EVC: variants seen among roughly 807,000 people sequenced by gnomAD.
EVC encodes the protein EvC ciliary complex subunit 1.
Under a neutral mutation model 118.9 loss-of-function variants are expected in EVC, and 116 were observed. The observed-to-expected ratio is 0.98, with a 90% CI of 0.84 to 1.14. The LOEUF is 1.14. Among genes scored for constraint, EVC ranks in the 50% most tolerant of loss-of-function variants. The pLI is 0.00. For missense variants in EVC, 1,401 were observed against 1,246.4 expected, an observed-to-expected ratio of 1.12 and a Z score of -1.87; for synonymous variants, 619 against 534.7, an observed-to-expected ratio of 1.16 and a Z score of -2.18.
intron 11 of EVC, among the ~76,000 whole-genome samples, chr4:5,774,626 C>G (rs773185503): frequency 2.0e-5 from 3 of 151,970 alleles, no homozygotes; most frequent in Non-Finnish European, 4.4e-5. Context: ...GGTTTGAATG[C>G]GGCTGCAGAG....
chr4:5,787,877 TCTC>T (rs753251122), intron 12 of EVC, among the ~76,000 whole-genome samples: 3 of 152,206 alleles, frequency 2.0e-5, no homozygotes, highest in South Asian at 4.2e-4. Flanking sequence ...CCAAGTCTGC[TCTC>T]CTCTGTGCCG....
chr4:5,809,432 A>C, intron 18 of EVC, 86 bp from the exon 19 acceptor site: 1 of 1,198,404 alleles, frequency 8.3e-7, no homozygotes, highest in Non-Finnish European at 1.2e-6. Flanking sequence ...GGCCAGCCTC[A>C]AGTGTCAGAA....
chr4:5,737,338 A>T lies in EVC; in HGVS notation c.702+3903A>T, dbSNP rs1350710510. ...CAAGGTGAAGCAGCAGCAAGTGCTG[A>T]TGGAGAAGCTTCAGCAAGTTACCCA... On this transcript the variant is annotated intron_variant, in intron 5 of 20. Coordinates refer to ENST00000264956, the MANE Select transcript of EVC (RefSeq NM_153717.3). The surrounding 1 kb of genome is among the most constrained non-coding windows in gnomAD (Gnocchi z 5.0). Among the ~76,000 whole-genome samples the T allele has an allele frequency of 6.6e-6, 1 of 152,258 alleles. No individual in the cohort carries two copies.
chr4:5,716,102 C>G (rs1723916845), intron 1 of EVC, among the ~76,000 whole-genome samples: 1 of 152,158 alleles, frequency 6.6e-6, no homozygotes, highest in African/African-American at 2.4e-5. Flanking sequence ...CACAGTAAGA[C>G]CAGATAGCGA....
the EVC span, among the ~76,000 whole-genome samples, chr4:5,822,417 G>A: frequency 6.6e-6 from 1 of 150,972 alleles, no homozygotes; most frequent in Non-Finnish European, 1.5e-5. Flanking sequence ...GTATATGCAT[G>A]TGCATATGTG....
At chr4:5,818,852 C>A (rs73206220), downstream of EVC, among the ~76,000 whole-genome samples, 2,406 of 152,202 alleles carry the variant, frequency 0.016, 26 homozygotes, top group South Asian at 0.041. Context: ...ACAGTGATGC[C>A]AAATGGACTA....
At chr4:5,824,136 ATGTTTAATTGCAATTGTGCAG>A in the EVC span, among the ~76,000 whole-genome samples, 2 of 152,310 alleles carry the variant, frequency 1.3e-5, no homozygotes, top group South Asian at 4.1e-4. Context: ...TTTTCTGTCC[ATGTTTAATTGCAATTGTGCAG>A]TGTTTAATTG....
the EVC span, chr4:5,824,772 C>A: frequency 1.0e-6 from 1 of 983,656 alleles, no homozygotes. Context: ...GCACGGTGTG[C>A]AACCCATGCA....
At chr4:5,780,102 T>A (rs1039246679) in intron 11 of EVC, among the ~76,000 whole-genome samples, 1 of 152,218 alleles carries the variant, frequency 6.6e-6, no homozygotes, top group African/African-American at 2.4e-5. Flanking sequence ...GAGATAATCA[T>A]GTGGTTTTTG....
In EVC at chr4:5,800,754, A is replaced by G. The variant is rs114847630; in HGVS notation, c.2305-1196A>G. ...TGGGGCAGAGGAGAAGGAAAGGACC[A>G]TTGGCAGTAAGGGATGAGCAGGGGC... On this transcript the variant is annotated intron_variant, in intron 15 of 20. Coordinates refer to ENST00000264956, the MANE Select transcript of EVC (RefSeq NM_153717.3). Among the ~76,000 whole-genome samples the G allele has an allele frequency of 2.8e-3, 422 of 152,304 alleles. 2 individuals carry two copies. The highest frequency in any genetic ancestry group is 9.6e-3 in the African/African-American group (398 of 41,566).
At chr4:5,723,476 A>C (rs960303091) in intron 2 of EVC, among the ~76,000 whole-genome samples, 31 of 152,130 alleles carry the variant, frequency 2.0e-4, no homozygotes, top group Middle Eastern at 6.8e-3. Context: ...GGTGTGAGCC[A>C]CCGCGCCTGG....
chr4:5,718,761 C>T (rs1724411106), intron 1 of EVC, among the ~76,000 whole-genome samples: 1 of 152,152 alleles, frequency 6.6e-6, no homozygotes, highest in Non-Finnish European at 1.5e-5. Flanking sequence ...AAATAATGAG[C>T]ATTCATTGTA....
At chr4:5,750,227 C>T (rs949505999) in intron 8 of EVC, among the ~76,000 whole-genome samples, 1 of 152,152 alleles carries the variant, frequency 6.6e-6, no homozygotes, top group Non-Finnish European at 1.5e-5. Context: ...AATTGGATTT[C>T]AGTTTGATAA....
chr4:5,804,819 A>G lies in EVC; in HGVS notation c.2539A>G (p.Thr847Ala). Residue 847 changes from threonine to alanine, a missense_variant, in exon 17 of 21, where the codon ACC (threonine) becomes GCC (alanine). Thr to Ala is a moderately conservative substitution (Grantham distance 58). Coordinates refer to ENST00000264956, the MANE Select transcript of EVC (RefSeq NM_153717.3). ...GSRTAGGAHE[T>A]SQAVHQRMLS... ...CAGGACGGCAGGTGGCGCTCATGAGACCTCCCAGGCGGTCCACCAGAGGTG... is the reference window on the plus strand; with the variant it reads ...CAGGACGGCAGGTGGCGCTCATGAGGCCTCCCAGGCGGTCCACCAGAGGTG... 1 of 1,613,548 alleles carries G rather than the reference A, an allele frequency of 6.2e-7. No individual in the cohort carries two copies. The highest frequency in any genetic ancestry group is 8.5e-7 in the Non-Finnish European group (1 of 1,179,922).
At chr4:5,816,182 C>T (rs1000099524), downstream of EVC, among the ~76,000 whole-genome samples, 4 of 152,156 alleles carry the variant, frequency 2.6e-5, no homozygotes, top group Admixed American at 2.6e-4. Context: ...TGGTCCACTT[C>T]CTGATGCACC....
downstream of EVC, among the ~76,000 whole-genome samples, chr4:5,816,615 C>T (rs1717721309): frequency 7.2e-6 from 1 of 138,516 alleles, no homozygotes; most frequent in Admixed American, 7.3e-5. Flanking sequence ...CCCCTCTGTC[C>T]TTCTTTTCTC....
chr4:5,719,174 A>T lies in EVC; in HGVS notation c.175-74A>T, dbSNP rs1724498792. The T allele has an allele frequency of 8.7e-6, 14 of 1,602,900 alleles. No homozygotes were observed. The highest frequency in any genetic ancestry group is 4.5e-5 in the East Asian group (2 of 44,750). ...CTGGGGGAGTTGACTGGCAAAAGTCACGGTGGGGACCAGGCCGACTGACCT... is the reference window on the plus strand; with the variant it reads ...CTGGGGGAGTTGACTGGCAAAAGTCTCGGTGGGGACCAGGCCGACTGACCT... On this transcript the variant is annotated intron_variant, in intron 1 of 20. Coordinates refer to ENST00000264956, the MANE Select transcript of EVC (RefSeq NM_153717.3). The surrounding 1 kb of genome is among the most constrained non-coding windows in gnomAD (Gnocchi z 4.7).
chr4:5,727,199 G>A (rs1449246689), intron 2 of EVC, among the ~76,000 whole-genome samples: 1 of 152,026 alleles, frequency 6.6e-6, no homozygotes, highest in Non-Finnish European at 1.5e-5. Context: ...CAGTGTAAAA[G>A]TGTTCCTATT....
intron 2 of EVC, among the ~76,000 whole-genome samples, chr4:5,727,110 T>G (rs1490842632): frequency 6.6e-6 from 1 of 152,140 alleles, no homozygotes; most frequent in Non-Finnish European, 1.5e-5. Context: ...CTGGGTCAAA[T>G]GGTATTTCCA....
Sources: gnomAD v4.1 joint callset for allele counts (sites outside exome capture counted in the v4.1 genomes callset) on GRCh38, gnomAD v4.1.1 for gene constraint, Gnocchi (gnomAD v3.1) non-coding constraint, MANE v1.5 for transcripts, NCBI Gene and HGNC (gene_info 2026-07-23, HGNC 2026-07-21) for gene names.